The following SUGCT variants were observed in gnomAD, a reference collection of about 807,000 sequenced individuals.
The protein encoded by SUGCT is succinyl-CoA:glutarate CoA-transferase.
In SUGCT, 41 loss-of-function variants were observed where a neutral mutation model predicts 55.0. The ratio of observed to expected loss-of-function variants is 0.74; its 90% CI spans 0.58 to 0.97. SUGCT has a LOEUF of 0.97. Ranked by LOEUF, SUGCT falls within the 50% of genes least tolerant of loss-of-function variation. SUGCT has a pLI of 0.00. For synonymous variants in SUGCT, 187 were observed against 200.4 expected (o/e 0.93, Z 0.56); for missense variants, 568 against 547.8 (o/e 1.04, Z -0.37).
intron 6 of SUGCT, among the ~76,000 whole-genome samples, chr7:40,227,974 C>T (rs141060065): frequency 0.016 from 2,447 of 152,118 alleles, 54 homozygotes; most frequent in African/African-American, 0.057. Flanking sequence ...TCTCCGCCTC[C>T]TGGGTTCAAG....
At chr7:40,216,788 G>A (rs1262366272) in intron 6 of SUGCT, among the ~76,000 whole-genome samples, 6 of 151,928 alleles carry the variant, frequency 3.9e-5, no homozygotes, top group Admixed American at 3.9e-4. Flanking sequence ...CCTGGGAGGG[G>A]GAGGTTGCAG....
At chr7:40,964,002 G>A in the SUGCT span, among the ~76,000 whole-genome samples, 2 of 152,290 alleles carry the variant, frequency 1.3e-5, no homozygotes, top group East Asian at 1.9e-4. Flanking sequence ...TTGAACTGAT[G>A]TCCCCCAGCC....
At chr7:40,562,997 C>T (rs910097078) in intron 12 of SUGCT, among the ~76,000 whole-genome samples, 2 of 152,146 alleles carry the variant, frequency 1.3e-5, no homozygotes, top group Admixed American at 6.5e-5. Flanking sequence ...AAGACTTCTA[C>T]TTTCTGTGAG....
At chr7:40,247,759 A>G (rs1298971109) in intron 7 of SUGCT, among the ~76,000 whole-genome samples, 3 of 152,072 alleles carry the variant, frequency 2.0e-5, no homozygotes, top group African/African-American at 7.2e-5. Flanking sequence ...ATTTCTTTGT[A>G]TATTCTAAAT....
chr7:40,898,492 GGGGGGT>G, the SUGCT span, among the ~76,000 whole-genome samples: 5 of 114,706 alleles, frequency 4.4e-5, no homozygotes, highest in Non-Finnish European at 1.0e-4. Context: ...GGGGGGGGGG[GGGGGGT>G]GGATCACGAG....
At chr7:40,437,454 T>A (rs1467693183) in intron 9 of SUGCT, among the ~76,000 whole-genome samples, 1 of 152,206 alleles carries the variant, frequency 6.6e-6, no homozygotes, top group Non-Finnish European at 1.5e-5. Flanking sequence ...TATTTAGCAA[T>A]GAGCTCTCAA....
At chr7:40,910,695 A>T in the SUGCT span, among the ~76,000 whole-genome samples, 5 of 152,022 alleles carry the variant, frequency 3.3e-5, no homozygotes, top group African/African-American at 1.2e-4. Context: ...GCATCCATTG[A>T]TAAGTGCTAA....
intron 4 of SUGCT, among the ~76,000 whole-genome samples, chr7:40,189,072 G>A (rs967660197): frequency 3.9e-5 from 6 of 152,150 alleles, no homozygotes; most frequent in African/African-American, 1.2e-4. Flanking sequence ...GGCTGGGCAC[G>A]GTGGCTCATG....
intron 13 of SUGCT, among the ~76,000 whole-genome samples, chr7:40,810,935 G>T (rs1039736382): frequency 2.1e-4 from 32 of 152,096 alleles, no homozygotes; most frequent in African/African-American, 5.8e-4. Flanking sequence ...GTTAATTTTT[G>T]TATATCGTGA....
chr7:40,568,477 T>G (rs776209773), intron 12 of SUGCT, among the ~76,000 whole-genome samples: 11 of 152,126 alleles, frequency 7.2e-5, no homozygotes, highest in South Asian at 2.1e-4. Context: ...ACTGTTTGAG[T>G]GATTGCTATA....
chr7:40,506,626 A>T (rs1792614119), intron 12 of SUGCT, among the ~76,000 whole-genome samples: 1 of 152,048 alleles, frequency 6.6e-6, no homozygotes, highest in Admixed American at 6.5e-5. Flanking sequence ...TTTGATTTTT[A>T]AAAATTCTTC....
At chr7:40,910,691 A>G in the SUGCT span, among the ~76,000 whole-genome samples, 4 of 152,152 alleles carry the variant, frequency 2.6e-5, no homozygotes, top group Non-Finnish European at 4.4e-5. Context: ...ACTTGCATCC[A>G]TTGATAAGTG....
intron 13 of SUGCT, among the ~76,000 whole-genome samples, chr7:40,803,060 C>T (rs1453187325): frequency 6.6e-6 from 1 of 152,150 alleles, no homozygotes; most frequent in Non-Finnish European, 1.5e-5. Flanking sequence ...TTACCTATTA[C>T]AAGTAGTTGA....
chr7:40,339,454 C>T lies in SUGCT; in HGVS notation c.816+22599C>T, dbSNP rs183307075. On this transcript the variant is annotated intron_variant, in intron 9 of 13. Transcript: ENST00000335693. Reference sequence around the variant, plus strand: ...TCAAGCCTCAGCAATGGTGGGCGCCCCTCTCCTAGCCTCACTGCCATCTTG... The same window carrying T: ...TCAAGCCTCAGCAATGGTGGGCGCCTCTCTCCTAGCCTCACTGCCATCTTG... 2.3e-3 allele frequency among the ~76,000 whole-genome samples: 354 copies of T among 152,242 alleles called. 4 individuals carry two copies. The highest frequency in any genetic ancestry group is 8.1e-3 in the African/African-American group (335 of 41,542).
the SUGCT span, among the ~76,000 whole-genome samples, chr7:40,984,677 G>A: frequency 1.3e-3 from 205 of 152,226 alleles, no homozygotes; most frequent in African/African-American, 4.2e-3. Context: ...ACTATATTCC[G>A]ACGGCTACCA....
At chr7:40,730,166 C>T (rs1183211897) in intron 12 of SUGCT, among the ~76,000 whole-genome samples, 3 of 152,082 alleles carry the variant, frequency 2.0e-5, no homozygotes, top group East Asian at 1.9e-4. Context: ...GGAGTGCAAT[C>T]GCATGATCTT....
chr7:40,997,460 C>A, the SUGCT span, among the ~76,000 whole-genome samples: 1 of 152,120 alleles, frequency 6.6e-6, no homozygotes, highest in African/African-American at 2.4e-5. Context: ...GCCTAACATT[C>A]TAAGCTTTGA....
the SUGCT span, among the ~76,000 whole-genome samples, chr7:41,004,262 G>A: frequency 2.6e-5 from 4 of 152,148 alleles, no homozygotes; most frequent in Non-Finnish European, 5.9e-5. Flanking sequence ...CTTCTTTCAG[G>A]CCCTGAATAT....
chr7:40,339,825 C>A (rs1204927481), intron 9 of SUGCT, among the ~76,000 whole-genome samples: 11 of 152,202 alleles, frequency 7.2e-5, no homozygotes, highest in Non-Finnish European at 1.6e-4. Context: ...AATCACCCGT[C>A]TTCTGCATCA....
Sources: allele counts gnomAD v4.1 joint callset (sites outside exome capture counted in the v4.1 genomes callset), GRCh38; gene constraint gnomAD v4.1.1; transcripts MANE v1.5; gene names NCBI Gene and HGNC (gene_info 2026-07-23, HGNC 2026-07-21).